Variants in ERGIC1 observed in about 807,000 individuals in gnomAD.
ERGIC1 encodes the protein endoplasmic reticulum-golgi intermediate compartment 1.
ERGIC1 carries 19 observed loss-of-function variants against 38.3 expected under a neutral mutation model. The observed-to-expected ratio is 0.50, with a 90% CI of 0.35 to 0.73. ERGIC1 has a LOEUF of 0.73. Ranked by LOEUF, ERGIC1 falls within the 30% of genes least tolerant of loss-of-function variation. ERGIC1 has a pLI of 0.01. For missense variants in ERGIC1, 294 were observed against 389.2 expected, an observed-to-expected ratio of 0.76 and a Z score of 2.06; for synonymous variants, 124 against 157.6, an observed-to-expected ratio of 0.79 and a Z score of 1.60.
chr5:172,839,075 T>C (rs755847366), intron 1 of ERGIC1, among the ~76,000 whole-genome samples: 20 of 151,342 alleles, frequency 1.3e-4, no homozygotes, highest in Admixed American at 2.6e-4. Context: ...ACCCCGTCTC[T>C]AATAAAAATA....
chr5:172,870,716 G>C (rs1761982525), intron 1 of ERGIC1, among the ~76,000 whole-genome samples: 1 of 152,220 alleles, frequency 6.6e-6, no homozygotes, highest in Admixed American at 6.5e-5. Flanking sequence ...TTAGCAGGGG[G>C]AGCGGGGAGC....
At chr5:172,936,986 G>A (rs1316653675) in intron 9 of ERGIC1, 3 of 152,146 alleles carry the variant, frequency 2.0e-5, no homozygotes, top group East Asian at 1.9e-4. Flanking sequence ...GCAACAGAGC[G>A]AGACCCTTTC....
intron 3 of ERGIC1, among the ~76,000 whole-genome samples, chr5:172,899,199 G>A (rs1762808034): frequency 6.6e-6 from 1 of 151,798 alleles, no homozygotes; most frequent in South Asian, 2.1e-4. Context: ...AAGGCAGGAA[G>A]AAGGCCAATC....
At chr5:172,847,738 C>T (rs1417447932) in intron 1 of ERGIC1, among the ~76,000 whole-genome samples, 2 of 152,228 alleles carry the variant, frequency 1.3e-5, no homozygotes, top group African/African-American at 4.8e-5. Flanking sequence ...TGGTCTCGAT[C>T]CGTTGACCTC....
chr5:172,841,953 G>A (rs1392706541), intron 1 of ERGIC1, among the ~76,000 whole-genome samples: 2 of 152,206 alleles, frequency 1.3e-5, no homozygotes. Context: ...ATACAGGACA[G>A]CTCCATCTCT....
At chr5:172,936,828 T>G (rs1050706926) in intron 9 of ERGIC1, 1 of 152,202 alleles carries the variant, frequency 6.6e-6, no homozygotes, top group Admixed American at 6.5e-5. Context: ...TGAAGGCTTG[T>G]CTCTAAGAAT....
chr5:172,930,187 CAA>C (rs377062885), intron 7 of ERGIC1, among the ~76,000 whole-genome samples: 6 of 107,914 alleles, frequency 5.6e-5, no homozygotes, highest in Non-Finnish European at 3.8e-5. Flanking sequence ...AACTCCGTTT[CAA>C]AAAAAAAAAA....
At chr5:172,893,905 A>ATATATATATGTGTGTG (rs1173039695) in intron 2 of ERGIC1, among the ~76,000 whole-genome samples, 12 of 15,540 alleles carry the variant, frequency 7.7e-4, no homozygotes, top group Non-Finnish European at 1.5e-3. Flanking sequence ...ATATATATAT[A>ATATATATATGTGTGTG]TGTGTGTGTG....
rs374068271 is a variant in ERGIC1 at position 172,935,340 on chromosome 5, C to T, written c.765+30C>T. 2.0e-5 allele frequency: 33 copies of T among 1,613,390 alleles called. No individual in the cohort carries two copies. The Middle Eastern group carries it at 4.9e-4, about 24-fold the overall frequency. On this transcript the variant is annotated intron_variant, in intron 9 of 9. Coordinates refer to ENST00000393784, the MANE Select transcript of ERGIC1 (RefSeq NM_001031711.3). ...GTGGCCTGGGGCAGTGGGTGGGGCCCTGAGCCAGCCACCCTGCGCCTGCTC... is the reference window on the plus strand; with the variant it reads ...GTGGCCTGGGGCAGTGGGTGGGGCCTTGAGCCAGCCACCCTGCGCCTGCTC...
At chr5:172,891,837 C>T (rs935997619) in intron 2 of ERGIC1, among the ~76,000 whole-genome samples, 2 of 152,194 alleles carry the variant, frequency 1.3e-5, no homozygotes, top group African/African-American at 4.8e-5. Context: ...CTGATACATC[C>T]TGGGCACCTT....
At chr5:172,894,156 T>TTTTTTTTTTTTA (rs1762660810) in intron 2 of ERGIC1, among the ~76,000 whole-genome samples, 5 of 122,744 alleles carry the variant, frequency 4.1e-5, no homozygotes, top group East Asian at 4.7e-4. Context: ...TTTTTTTTTT[T>TTTTTTTTTTTTA]AAGTAAAACC....
chr5:172,836,604 C>T (rs1761042650), intron 1 of ERGIC1, among the ~76,000 whole-genome samples: 1 of 152,200 alleles, frequency 6.6e-6, no homozygotes, highest in South Asian at 2.1e-4. Context: ...TCGACCATCC[C>T]CATGCACCTT....
intron 3 of ERGIC1, among the ~76,000 whole-genome samples, chr5:172,906,348 G>C (rs1045398520): frequency 2.6e-5 from 4 of 152,232 alleles, no homozygotes; most frequent in Non-Finnish European, 2.9e-5. Flanking sequence ...TCCGGGGATG[G>C]GACACACCCT....
chr5:172,835,291 C>G (rs896964233), intron 1 of ERGIC1, among the ~76,000 whole-genome samples: 1 of 152,170 alleles, frequency 6.6e-6, no homozygotes, highest in African/African-American at 2.4e-5. Flanking sequence ...AATCCTGGCT[C>G]TGCCCTTTCT....
At chr5:172,910,575 A>G (rs1457719616) in intron 4 of ERGIC1, among the ~76,000 whole-genome samples, 1 of 143,188 alleles carries the variant, frequency 7.0e-6, no homozygotes, top group East Asian at 2.1e-4. Flanking sequence ...CCCAGGCCGG[A>G]GTGCAATGGC....
rs1378096225 is a variant in ERGIC1, at chr5:172,943,783, A to G, written c.766-6926A>G. On this transcript the variant is annotated intron_variant, in intron 9 of 9. Coordinates refer to ENST00000393784, the MANE Select transcript of ERGIC1 (RefSeq NM_001031711.3). ...GTATGGTGCTTCTCCATTGCACGCT[A>G]TGGGAGAGTAATGGGGAGGGGAGTA... is the stretch of plus-strand genomic sequence containing the variant. 2.6e-5 allele frequency among the ~76,000 whole-genome samples: 4 copies of G among 152,162 alleles called. No homozygotes were observed. In the East Asian group the frequency reaches 7.7e-4, roughly 29 times the overall value.
chr5:172,870,852 G>A (rs541415481), intron 1 of ERGIC1, among the ~76,000 whole-genome samples: 6 of 152,194 alleles, frequency 3.9e-5, no homozygotes, highest in Non-Finnish European at 8.8e-5. Context: ...GTACTTGCCT[G>A]CACAGCTCAG....
Position 172,834,260 on chromosome 5 carries a change from C to A in ERGIC1, c.-154C>A. 3 of 730,534 alleles carry A rather than the reference C, an allele frequency of 4.1e-6. No individual in the cohort carries two copies. Among genetic ancestry groups the A allele is most frequent in the Non-Finnish European group, 5.3e-6 (3 of 565,626 alleles). The allele number at this position is 730,534 out of a possible 1,614,324, so 45.3% of individuals were successfully genotyped here. On this transcript the variant is annotated 5_prime_UTR_variant, in exon 1 of 10. Coordinates refer to ENST00000393784, the MANE Select transcript of ERGIC1 (RefSeq NM_001031711.3). This position sits in a 1 kb window ranked among gnomAD's most constrained non-coding sequence, Gnocchi z 4.1. The stretch of plus-strand genomic sequence containing the variant: ...GGCTGCGCGGAGCGTCACTTCCCGG[C>A]AGCGGGAGGCGAGTGGCGAGTGGCG...
At chr5:172,894,620 G>A (rs934085884) in intron 2 of ERGIC1, among the ~76,000 whole-genome samples, 27 of 152,262 alleles carry the variant, frequency 1.8e-4, no homozygotes, top group African/African-American at 6.3e-4. Flanking sequence ...AGTTCTTGAG[G>A]TTCCTTTTCT....
Sources: gnomAD v4.1 joint callset for allele counts (sites outside exome capture counted in the v4.1 genomes callset) on GRCh38, gnomAD v4.1.1 for gene constraint, Gnocchi (gnomAD v3.1) non-coding constraint, MANE v1.5 for transcripts, NCBI Gene and HGNC (gene_info 2026-07-23, HGNC 2026-07-21) for gene names.